Variants in LIMS1 observed in about 807,000 individuals in gnomAD.
LIMS1 encodes LIM and senescent cell antigen-like-containing domain protein 1.
A neutral mutation model predicts 44.1 loss-of-function variants in LIMS1; 18 were observed. The observed-to-expected ratio is 0.41, with a 90% CI of 0.28 to 0.61. The LOEUF is 0.61. Among genes scored for constraint, LIMS1 ranks in the 20% least tolerant of loss-of-function variants. The pLI is 0.32. For missense variants in LIMS1, 201 were observed against 422.0 expected, an observed-to-expected ratio of 0.48 and a Z score of 4.59; for synonymous variants, 93 against 149.1, an observed-to-expected ratio of 0.62 and a Z score of 2.74.
intron 1 of LIMS1, among the ~76,000 whole-genome samples, chr2:108,606,257 G>T (rs1266034744): frequency 6.6e-6 from 1 of 152,220 alleles, no homozygotes; most frequent in Non-Finnish European, 1.5e-5. Flanking sequence ...AAAAGTTGGT[G>T]AATGAGGATG....
chr2:108,569,254 C>T (rs554632488), intron 1 of LIMS1, among the ~76,000 whole-genome samples: 30 of 152,288 alleles, frequency 2.0e-4, no homozygotes, highest in African/African-American at 7.2e-4. Context: ...CTCATCCATT[C>T]ATGATTTGCA....
intron 1 of LIMS1, chr2:108,621,496 A>T (rs1308687536): frequency 2.1e-6 from 3 of 1,451,682 alleles, no homozygotes; most frequent in Non-Finnish European, 2.8e-6. Flanking sequence ...AAAGGTCAAG[A>T]CATCTAATCT....
At position 108,580,003 on chromosome 2, in the gene LIMS1, G is replaced by A. The variant is rs573221109; in HGVS notation, c.32+45409G>A. 4.6e-5 allele frequency among the ~76,000 whole-genome samples: 7 copies of A among 152,340 alleles called. No homozygotes were observed. The East Asian group carries it at 1.3e-3, about 29-fold the overall frequency. ...GCTGGAGCTGGGGGATGCCGGGTGG[G>A]AGCAAGGACAGCCAGGTCCGTTTTT... On this transcript the variant is annotated intron_variant, in intron 1 of 9. Coordinates refer to ENST00000544547, the Ensembl canonical transcript of LIMS1.
At chr2:108,649,693 A>G (rs553512601) in intron 1 of LIMS1, among the ~76,000 whole-genome samples, 2 of 152,300 alleles carry the variant, frequency 1.3e-5, no homozygotes, top group African/African-American at 4.8e-5. Flanking sequence ...GATGCTGGAA[A>G]CCATCATTCT....
intron 3 of LIMS1, among the ~76,000 whole-genome samples, chr2:108,671,486 A>G (rs1692160541): frequency 6.6e-6 from 1 of 152,200 alleles, no homozygotes; most frequent in Non-Finnish European, 1.5e-5. Context: ...CAGGGAAGAA[A>G]TCAGTGAGGT....
At chr2:108,645,854 G>A (rs570200111) in intron 1 of LIMS1, among the ~76,000 whole-genome samples, 1 of 150,014 alleles carries the variant, frequency 6.7e-6, no homozygotes, top group Admixed American at 6.6e-5. Flanking sequence ...TGCAATCCTA[G>A]TCTCTGATAA....
chr2:108,650,100 T>G (rs1196996836), intron 1 of LIMS1, among the ~76,000 whole-genome samples: 1 of 152,238 alleles, frequency 6.6e-6, no homozygotes, highest in African/African-American at 2.4e-5. Flanking sequence ...TTTTTTGGTA[T>G]TTTCAAACAA....
intron 1 of LIMS1, among the ~76,000 whole-genome samples, chr2:108,551,790 A>C (rs1684729184): frequency 6.8e-6 from 1 of 146,330 alleles, no homozygotes; most frequent in Non-Finnish European, 1.5e-5. Flanking sequence ...CAATATACAG[A>C]TATATCTGTA....
chr2:108,542,643 G>A (rs1338693396), intron 1 of LIMS1, among the ~76,000 whole-genome samples: 2 of 152,090 alleles, frequency 1.3e-5, no homozygotes, highest in East Asian at 3.9e-4. Context: ...CTACCCTTAC[G>A]CTTATATCAT....
chr2:108,588,298 A>C (rs1395578395), intron 1 of LIMS1: 1 of 984,164 alleles, frequency 1.0e-6, no homozygotes, highest in Non-Finnish European at 1.2e-6. Context: ...ACTTGGTTTC[A>C]TTGGCTCAAA....
chr2:108,630,864 G>A (rs960441759), intron 1 of LIMS1, among the ~76,000 whole-genome samples: 8 of 152,158 alleles, frequency 5.3e-5, no homozygotes, highest in Non-Finnish European at 8.8e-5. Flanking sequence ...TCGTTCTATG[G>A]TAATCATTAA....
At chr2:108,632,512 CAAGG>C (rs1688991141) in intron 1 of LIMS1, among the ~76,000 whole-genome samples, 1 of 152,104 alleles carries the variant, frequency 6.6e-6, no homozygotes, top group Non-Finnish European at 1.5e-5. Context: ...AAGGAAAACT[CAAGG>C]GAGGATATGC....
At chr2:108,647,993 G>C (rs550565187) in intron 1 of LIMS1, among the ~76,000 whole-genome samples, 13 of 152,184 alleles carry the variant, frequency 8.5e-5, no homozygotes, top group African/African-American at 2.4e-4. Context: ...ATAAATAAAG[G>C]GTATTCAGTT....
Position 108,676,594 on chromosome 2 carries a change from A to G in LIMS1, c.682-12A>G, listed in dbSNP as rs976010765. ...GGCAATTCAAAAATGACCTATAGCA[A>G]TTTTTTTTCAGCATTTTGTTTGTGC... On this transcript the variant is annotated splice_polypyrimidine_tract_variant and intron_variant, in intron 6 of 9. Coordinates refer to ENST00000544547, the Ensembl canonical transcript of LIMS1. The G allele has an allele frequency of 9.6e-6, 15 of 1,558,180 alleles. No individual in the cohort carries two copies. Among genetic ancestry groups the G allele is most frequent in the Middle Eastern group, 2.3e-4 (1 of 4,372 alleles).
At chr2:108,629,176 A>C (rs1688753905) in intron 1 of LIMS1, among the ~76,000 whole-genome samples, 1 of 152,228 alleles carries the variant, frequency 6.6e-6, no homozygotes, top group Non-Finnish European at 1.5e-5. Flanking sequence ...AGAATGAAAA[A>C]ATGGCAGTGT....
rs186901218 is a variant in LIMS1 at position 108,618,220 on chromosome 2, C to T, written c.33-41385C>T. ...TGAAAAATATCTCTATTTGGAAACC[C>T]GCAGAAAATGCATTTATACAGGCCT... On this transcript the variant is annotated intron_variant, in intron 1 of 9. Transcript: ENST00000544547. Among the ~76,000 whole-genome samples, 28 of 152,158 alleles carry T rather than the reference C, an allele frequency of 1.8e-4. No individual in the cohort carries two copies. The East Asian group carries it at 1.9e-3, about 10-fold the overall frequency.
chr2:108,663,217 C>T (rs1034616514), intron 2 of LIMS1, among the ~76,000 whole-genome samples: 25 of 152,168 alleles, frequency 1.6e-4, no homozygotes, highest in African/African-American at 6.0e-4. Flanking sequence ...TTCCTGGGCT[C>T]AAGCAATCCT....
rs1220058164 is a variant in LIMS1, at chr2:108,545,365, C to G, written c.32+10771C>G. On this transcript the variant is annotated intron_variant, in intron 1 of 9. Transcript: ENST00000544547. ...TCTCCTGCTTCAGCCTCCCAAGTAG[C>G]TGGGATTACAGGCATCCACCACCTC... 2.0e-5 allele frequency among the ~76,000 whole-genome samples: 3 copies of G among 152,180 alleles called. 1 individual carries two copies. Among genetic ancestry groups the G allele is most frequent in the Non-Finnish European group, 4.4e-5 (3 of 68,022 alleles).
chr2:108,663,668 CCTT>C (rs1463632620), intron 2 of LIMS1, among the ~76,000 whole-genome samples: 1 of 152,128 alleles, frequency 6.6e-6, no homozygotes, highest in Non-Finnish European at 1.5e-5. Context: ...ATTTCTCTCT[CCTT>C]AGTTTGGATT....
Sources: allele counts gnomAD v4.1 joint callset (sites outside exome capture counted in the v4.1 genomes callset), GRCh38; gene constraint gnomAD v4.1.1; transcripts MANE v1.5; gene names NCBI Gene and HGNC (gene_info 2026-07-23, HGNC 2026-07-21).